PPP2R5E: variants seen among roughly 807,000 people sequenced by gnomAD.
PPP2R5E encodes serine/threonine-protein phosphatase 2A 56 kDa regulatory subunit epsilon isoform.
PPP2R5E carries 4 observed loss-of-function variants against 65.3 expected under a neutral mutation model. The observed-to-expected ratio is 0.06, with a 90% CI of 0.03 to 0.14. PPP2R5E has a LOEUF of 0.14. PPP2R5E is among the 10% of genes least tolerant of loss of function. PPP2R5E has a pLI of 1.00. For synonymous variants in PPP2R5E, 183 were observed against 187.4 expected, an observed-to-expected ratio of 0.98 and a Z score of 0.19; for missense variants, 274 against 556.1, an observed-to-expected ratio of 0.49 and a Z score of 5.10.
intron 2 of PPP2R5E, among the ~76,000 whole-genome samples, chr14:63,509,775 C>T (rs1177758565): frequency 6.6e-6 from 1 of 152,170 alleles, no homozygotes; most frequent in Non-Finnish European, 1.5e-5. Context: ...GGAAAGCCAT[C>T]TGAGAGACAA....
intron 2 of PPP2R5E, among the ~76,000 whole-genome samples, chr14:63,518,873 C>T (rs181827829): frequency 6.6e-6 from 1 of 152,016 alleles, no homozygotes; most frequent in Non-Finnish European, 1.5e-5. Context: ...TATTCCTTTA[C>T]TTTCTTAATA....
chr14:63,413,916 G>A (rs1465092423), intron 5 of PPP2R5E, among the ~76,000 whole-genome samples: 3 of 152,142 alleles, frequency 2.0e-5, no homozygotes, highest in Non-Finnish European at 2.9e-5. Context: ...TCAAGGATCC[G>A]CCCCATGTAC....
At chr14:63,428,177 G>A (rs1887442234) in intron 3 of PPP2R5E, among the ~76,000 whole-genome samples, 1 of 152,088 alleles carries the variant, frequency 6.6e-6, no homozygotes, top group African/African-American at 2.4e-5. Flanking sequence ...CAAACATCTT[G>A]ATTACTGCAC....
chr14:63,391,964 A>G lies in PPP2R5E; in HGVS notation c.903+8T>C, dbSNP rs1056694344. 1 of 1,610,050 alleles carries G rather than the reference A, an allele frequency of 6.2e-7. No individual in the cohort carries two copies. Among genetic ancestry groups the G allele is most frequent in the African/African-American group, 1.3e-5 (1 of 74,702 alleles). ...TTAAGTTTTTGAAATTATGGAAAAA[A>G]GACTTACTGGTTCTGTGAGTGAAGG... On this transcript the variant is annotated splice_region_variant and intron_variant, in intron 9 of 13. Transcript: ENST00000337537.
At chr14:63,433,929 T>C (rs1301679634) in intron 3 of PPP2R5E, among the ~76,000 whole-genome samples, 1 of 152,242 alleles carries the variant, frequency 6.6e-6, no homozygotes, top group Non-Finnish European at 1.5e-5. Flanking sequence ...ACCAAGGTAG[T>C]AACCACTGTT....
intron 13 of PPP2R5E, among the ~76,000 whole-genome samples, chr14:63,376,367 G>A (rs1255106581): frequency 2.0e-5 from 3 of 152,242 alleles, no homozygotes; most frequent in South Asian, 4.1e-4. Context: ...TCTCAAAAAG[G>A]ATGCTGGAGA....
intron 2 of PPP2R5E, among the ~76,000 whole-genome samples, chr14:63,523,658 T>A (rs151320753): frequency 0.013 from 1,982 of 150,124 alleles, 37 homozygotes; most frequent in African/African-American, 0.046. Context: ...TATTGTCCCG[T>A]GACCCTGCCA....
At chr14:63,518,975 T>C (rs747810038) in intron 2 of PPP2R5E, among the ~76,000 whole-genome samples, 4 of 152,070 alleles carry the variant, frequency 2.6e-5, no homozygotes, top group African/African-American at 4.8e-5. Context: ...TCCCAACACT[T>C]TGGGAGGCCA....
At chr14:63,496,551 TCA>T (rs1891581548) in intron 2 of PPP2R5E, among the ~76,000 whole-genome samples, 1 of 151,640 alleles carries the variant, frequency 6.6e-6, no homozygotes, top group African/African-American at 2.4e-5. Flanking sequence ...CCATAACCCA[TCA>T]ATAACTAAGA....
At chr14:63,383,852 T>C (rs887113220) in intron 12 of PPP2R5E, among the ~76,000 whole-genome samples, 5 of 152,188 alleles carry the variant, frequency 3.3e-5, no homozygotes, top group African/African-American at 7.2e-5. Flanking sequence ...GGCTGTTAAA[T>C]AGATCACACT....
At chr14:63,411,883 C>T (rs574246055) in intron 5 of PPP2R5E, among the ~76,000 whole-genome samples, 1 of 152,244 alleles carries the variant, frequency 6.6e-6, no homozygotes, top group South Asian at 2.1e-4. Context: ...CACAAGAATT[C>T]CTTTACAGCA....
intron 3 of PPP2R5E, among the ~76,000 whole-genome samples, chr14:63,435,140 C>T (rs1431272177): frequency 6.6e-6 from 1 of 152,056 alleles, no homozygotes; most frequent in Non-Finnish European, 1.5e-5. Flanking sequence ...TGTTCCAGAT[C>T]TCATTTGGGG....
intron 12 of PPP2R5E, among the ~76,000 whole-genome samples, chr14:63,382,999 G>A (rs140956710): frequency 4.6e-5 from 7 of 152,232 alleles, no homozygotes; most frequent in Middle Eastern, 3.4e-3. Context: ...GGTTCAATAT[G>A]AATTATCTGT....
intron 1 of PPP2R5E, among the ~76,000 whole-genome samples, chr14:63,542,361 G>C (rs909651628): frequency 2.0e-5 from 3 of 152,252 alleles, no homozygotes; most frequent in African/African-American, 7.2e-5. Context: ...AAGGGGGTAA[G>C]GGGAAGTAGG....
chr14:63,386,109 C>G (rs1290206722), intron 11 of PPP2R5E, among the ~76,000 whole-genome samples: 4 of 152,102 alleles, frequency 2.6e-5, no homozygotes, highest in African/African-American at 9.7e-5. Flanking sequence ...TAGAAGAGAA[C>G]AAAATGGTAT....
rs1313506275 is a variant in PPP2R5E, at chr14:63,493,856, T to C, written c.158-39971A>G. On this transcript the variant is annotated intron_variant, in intron 2 of 13. Coordinates refer to ENST00000337537, the MANE Select transcript of PPP2R5E (RefSeq NM_006246.5). ...TAAAAATAAGATTAACCAGTAATGA[T>C]GGTCAAGTATTCAGATGATGTTCCA... 1.6e-4 allele frequency among the ~76,000 whole-genome samples: 25 copies of C among 152,136 alleles called. 1 individual carries two copies. Among genetic ancestry groups the C allele is most frequent in the Admixed American group, 1.6e-3 (24 of 15,266 alleles).
intron 2 of PPP2R5E, among the ~76,000 whole-genome samples, chr14:63,508,508 T>A (rs1223909377): frequency 6.6e-6 from 1 of 152,244 alleles, no homozygotes; most frequent in Non-Finnish European, 1.5e-5. Context: ...CATATATCAC[T>A]GCATTGAATC....
intron 12 of PPP2R5E, among the ~76,000 whole-genome samples, chr14:63,384,239 C>G (rs2139753651): frequency 6.6e-6 from 1 of 152,246 alleles, no homozygotes; most frequent in East Asian, 1.9e-4. Context: ...GATCAAGAAG[C>G]CTGTCTAGTA....
intron 2 of PPP2R5E, among the ~76,000 whole-genome samples, chr14:63,465,704 A>G (rs1889761468): frequency 6.6e-6 from 1 of 152,188 alleles, no homozygotes; most frequent in Admixed American, 6.5e-5. Flanking sequence ...AATTAAACAA[A>G]GGCCATCTAT....
Sources: allele counts gnomAD v4.1 joint callset (sites outside exome capture counted in the v4.1 genomes callset), GRCh38; gene constraint gnomAD v4.1.1; transcripts MANE v1.5; gene names NCBI Gene and HGNC (gene_info 2026-07-23, HGNC 2026-07-21).